Variants in HS3ST4 observed in about 807,000 individuals in gnomAD.
HS3ST4 encodes the protein heparan sulfate glucosamine 3-O-sulfotransferase 4.
A neutral mutation model predicts 29.2 loss-of-function variants in HS3ST4; 17 were observed. The observed-to-expected ratio is 0.58, with a 90% CI of 0.40 to 0.87. HS3ST4 has a LOEUF of 0.87. Among genes scored for constraint, HS3ST4 ranks in the 40% least tolerant of loss-of-function variants. The pLI, the probability that HS3ST4 is intolerant of heterozygous loss-of-function variation, is 0.00. For synonymous variants in HS3ST4, 314 were observed against 285.7 expected (o/e 1.10, Z -1.00); for missense variants, 627 against 634.5 (o/e 0.99, Z 0.13).
chr16:25,865,054 G>A, intron 1 of HS3ST4, among the ~76,000 whole-genome samples: 1 of 151,774 alleles, frequency 6.6e-6, no homozygotes, highest in East Asian at 1.9e-4. Flanking sequence ...TTCCATCAGT[G>A]GACACTTAGG....
chr16:25,758,749 A>G (rs1966771972), intron 1 of HS3ST4, among the ~76,000 whole-genome samples: 1 of 152,146 alleles, frequency 6.6e-6, no homozygotes, highest in Admixed American at 6.5e-5. Flanking sequence ...TGAGGTTGGG[A>G]GTTTGAAACC....
chr16:26,112,917 T>TA (rs35412531), intron 1 of HS3ST4, among the ~76,000 whole-genome samples: 118,074 of 151,604 alleles, frequency 0.78, 46,395 homozygotes, highest in Middle Eastern at 0.84. Flanking sequence ...GGCATTAGCT[T>TA]TAAGGTGAGC....
intron 1 of HS3ST4, among the ~76,000 whole-genome samples, chr16:26,134,750 G>A (rs572609751): frequency 6.6e-6 from 1 of 152,112 alleles, no homozygotes; most frequent in Non-Finnish European, 1.5e-5. Flanking sequence ...CCTGGGCTTC[G>A]GTTTTCTCAT....
intron 1 of HS3ST4, among the ~76,000 whole-genome samples, chr16:25,764,732 T>C (rs1966807349): frequency 6.6e-6 from 1 of 152,214 alleles, no homozygotes; most frequent in African/African-American, 2.4e-5. Context: ...GGGAGAATAA[T>C]GTAACCATGA....
At chr16:25,956,728 G>C (rs960868435) in intron 1 of HS3ST4, among the ~76,000 whole-genome samples, 5 of 152,186 alleles carry the variant, frequency 3.3e-5, no homozygotes, top group Non-Finnish European at 7.3e-5. Context: ...GCTGGGCGTG[G>C]TGGCTCATGC....
intron 1 of HS3ST4, among the ~76,000 whole-genome samples, chr16:25,929,413 A>T (rs926657142): frequency 6.6e-6 from 1 of 152,092 alleles, no homozygotes; most frequent in South Asian, 2.1e-4. Context: ...AGAAAGGTTC[A>T]AGGTTATCTT....
intron 1 of HS3ST4, chr16:26,032,510 A>ACT: frequency 7.5e-7 from 1 of 1,326,162 alleles, no homozygotes; most frequent in Non-Finnish European, 1.1e-6. Context: ...AGTCACCAGA[A>ACT]GTACACAGTT....
chr16:25,969,562 C>T lies in HS3ST4; in HGVS notation c.735-166050C>T, dbSNP rs182447441. Among the ~76,000 whole-genome samples, 32 of 152,304 alleles carry T rather than the reference C, an allele frequency of 2.1e-4. No individual in the cohort carries two copies. In the East Asian group the frequency reaches 4.6e-3, roughly 22 times the overall value. On this transcript the variant is annotated intron_variant, in intron 1 of 1. Coordinates refer to ENST00000331351, the MANE Select transcript of HS3ST4 (RefSeq NM_006040.3). Reference sequence around the variant, plus strand: ...TGGGCTGTAGACCTTTACTCAATTCCAGCTGCTCTTTGTCTGAGATATGGC... The same window carrying T: ...TGGGCTGTAGACCTTTACTCAATTCTAGCTGCTCTTTGTCTGAGATATGGC...
intron 1 of HS3ST4, among the ~76,000 whole-genome samples, chr16:26,095,691 A>C (rs2141792953): frequency 6.6e-6 from 1 of 152,356 alleles, no homozygotes; most frequent in Middle Eastern, 3.4e-3. Context: ...ACACTCTAAC[A>C]TCACAATTAA....
intron 1 of HS3ST4, among the ~76,000 whole-genome samples, chr16:26,115,360 A>T (rs1187130649): frequency 2.0e-5 from 3 of 152,046 alleles, no homozygotes; most frequent in Non-Finnish European, 2.9e-5. Flanking sequence ...TGGGTAGCAT[A>T]GAGAGACAGG....
intron 1 of HS3ST4, among the ~76,000 whole-genome samples, chr16:25,966,457 G>A (rs1968843884): frequency 6.6e-6 from 1 of 152,272 alleles, no homozygotes; most frequent in South Asian, 2.1e-4. Flanking sequence ...GGAAGACTTT[G>A]CCTGGTATTC....
At chr16:25,946,969 G>A (rs752560465) in intron 1 of HS3ST4, among the ~76,000 whole-genome samples, 36 of 152,196 alleles carry the variant, frequency 2.4e-4, no homozygotes, top group Non-Finnish European at 4.4e-4. Context: ...TGTGGTTGGG[G>A]AGCTGAGCAG....
chr16:25,912,767 C>G (rs903994490), intron 1 of HS3ST4, among the ~76,000 whole-genome samples: 2 of 152,186 alleles, frequency 1.3e-5, no homozygotes, highest in African/African-American at 4.8e-5. Context: ...GGAACCAACG[C>G]TGACCTTAAC....
chr16:26,050,016 T>G (rs1328297370), intron 1 of HS3ST4, among the ~76,000 whole-genome samples: 6 of 152,134 alleles, frequency 3.9e-5, no homozygotes, highest in African/African-American at 1.4e-4. Flanking sequence ...CCTTTGGGTT[T>G]TAAAAGAGGC....
At chr16:26,113,053 A>G (rs1899152325) in intron 1 of HS3ST4, among the ~76,000 whole-genome samples, 1 of 152,256 alleles carries the variant, frequency 6.6e-6, no homozygotes. Flanking sequence ...AGTGTCTATC[A>G]TCAGAAAAAT....
intron 1 of HS3ST4, among the ~76,000 whole-genome samples, chr16:25,756,208 G>T (rs1002141655): frequency 1.3e-5 from 2 of 151,320 alleles, no homozygotes; most frequent in Admixed American, 6.6e-5. Flanking sequence ...TACATGGTTG[G>T]CCCTCAAACA....
chr16:25,971,293 G>T (rs891796264), intron 1 of HS3ST4, among the ~76,000 whole-genome samples: 2 of 152,296 alleles, frequency 1.3e-5, no homozygotes, highest in African/African-American at 4.8e-5. Context: ...ACTTGATAAG[G>T]TGATGTATCT....
At chr16:26,072,343 C>T (rs1486765672) in intron 1 of HS3ST4, among the ~76,000 whole-genome samples, 3 of 152,172 alleles carry the variant, frequency 2.0e-5, no homozygotes, top group Non-Finnish European at 4.4e-5. Context: ...CTTCTACCTG[C>T]TGTCTGGAAT....
intron 1 of HS3ST4, among the ~76,000 whole-genome samples, chr16:25,857,060 A>T (rs567018656): frequency 1.3e-5 from 2 of 152,284 alleles, no homozygotes; most frequent in East Asian, 3.9e-4. Flanking sequence ...TCAGAATTGA[A>T]TTGTGTTGTT....
Sources: allele counts gnomAD v4.1 joint callset (sites outside exome capture counted in the v4.1 genomes callset), GRCh38; gene constraint gnomAD v4.1.1; transcripts MANE v1.5; gene names NCBI Gene and HGNC (gene_info 2026-07-23, HGNC 2026-07-21).